The following TNPO1 variants were observed in gnomAD, a reference collection of about 807,000 sequenced individuals.
The protein encoded by TNPO1 is transportin 1.
Under a neutral mutation model 119.5 loss-of-function variants are expected in TNPO1, and 8 were observed. That is an observed-to-expected ratio of 0.07 (90% CI 0.04 to 0.12). The LOEUF (loss-of-function observed/expected upper bound fraction) is 0.12. TNPO1 is among the 10% of genes least tolerant of loss of function. The pLI, the probability that TNPO1 is intolerant of heterozygous loss-of-function variation, is 1.00. For missense variants in TNPO1, 576 were observed against 1,089.8 expected, an observed-to-expected ratio of 0.53 and a Z score of 6.64; for synonymous variants, 362 against 363.0, an observed-to-expected ratio of 1.00 and a Z score of 0.03.
chr5:72,848,504 C>T lies in TNPO1; in HGVS notation c.129+6C>T, dbSNP rs779424487. The T allele has an allele frequency of 4.4e-5, 67 of 1,540,212 alleles. No homozygotes were observed. Among genetic ancestry groups the T allele is most frequent in the Non-Finnish European group, 5.5e-5 (63 of 1,140,582 alleles). ...TCCAGAGAACCGTGCAACAAGTATC[C>T]TTTCCGAGGCCTGGCCGCCACCCGC... is the stretch of plus-strand genomic sequence containing the variant. On this transcript the variant is annotated splice_donor_region_variant and intron_variant, in intron 2 of 24. Coordinates refer to ENST00000337273, the MANE Select transcript of TNPO1 (RefSeq NM_002270.4).
At chr5:72,869,562 G>A (rs34672) in intron 6 of TNPO1, among the ~76,000 whole-genome samples, 124,938 of 152,136 alleles carry the variant, frequency 0.82, 51,564 homozygotes, top group Non-Finnish European at 0.86. Context: ...AATAAATAAA[G>A]ACAGTTTTAC....
chr5:72,874,466 G>C (rs987048923), intron 7 of TNPO1, among the ~76,000 whole-genome samples: 9 of 152,268 alleles, frequency 5.9e-5, no homozygotes, highest in African/African-American at 2.2e-4. Context: ...CCCCAACCCA[G>C]TTGCTGTTCT....
chr5:72,839,619 G>A (rs1408208133), intron 1 of TNPO1, among the ~76,000 whole-genome samples: 1 of 152,168 alleles, frequency 6.6e-6, no homozygotes, highest in African/African-American at 2.4e-5. Flanking sequence ...CTTTTTTAGT[G>A]ATTAGTAATG....
rs774663567 is a variant in TNPO1, at chr5:72,893,269, CTCT to C, written c.1896+28_1896+30del. The C allele has an allele frequency of 6.2e-6, 10 of 1,609,058 alleles. No individual in the cohort carries two copies. In the African/African-American group the frequency reaches 1.1e-4, roughly 17 times the overall value. Reference sequence around the variant, plus strand: ...ATGGTAATTTTTTTAAAATGTCTTCCTCTTCTTGACATGGTGGACATTTTTCTA... The same window carrying C: ...ATGGTAATTTTTTTAAAATGTCTTCCTCTTGACATGGTGGACATTTTTCTA... On this transcript the variant is annotated intron_variant, in intron 16 of 24. Transcript: ENST00000337273.
Position 72,851,282 on chromosome 5 carries a change from C to A in TNPO1, c.168C>A (p.Asn56Lys). 1 of 1,602,690 alleles carries A rather than the reference C, an allele frequency of 6.2e-7. No homozygotes were observed. Among genetic ancestry groups the A allele is most frequent in the Admixed American group, 1.7e-5 (1 of 59,468 alleles). ...EQLNQYPDFN[N>K]YLIFVLTKLK... ...TTAATCAGTATCCAGACTTTAACAA[C>A]TACTTGATTTTTGTTCTTACAAAAT... Residue 56 changes from asparagine to lysine, a missense_variant, in exon 3 of 25, where the codon AAC becomes AAA. By Grantham distance (94) the Asn-to-Lys change is moderately conservative. Transcript: ENST00000337273.
chr5:72,887,253 GT>G, intron 12 of TNPO1, 31 bp downstream of exon 12: 1 of 1,178,218 alleles, frequency 8.5e-7, no homozygotes, highest in Non-Finnish European at 1.2e-6. Context: ...AATTATGTAA[GT>G]TGGCTTCTTA....
intron 12 of TNPO1, 42 bp from the exon 13 acceptor site, chr5:72,888,036 T>A (rs1748783129): frequency 6.4e-7 from 1 of 1,574,276 alleles, no homozygotes. Context: ...AAAATAATGT[T>A]AACTAAATTT....
chr5:72,907,778 C>T (rs1750272540), intron 24 of TNPO1, among the ~76,000 whole-genome samples: 1 of 152,002 alleles, frequency 6.6e-6, no homozygotes, highest in Non-Finnish European at 1.5e-5. Context: ...GTGTGATGGC[C>T]CACATCTATA....
At chr5:72,889,052 A>C (rs941170258) in intron 13 of TNPO1, among the ~76,000 whole-genome samples, 1 of 152,138 alleles carries the variant, frequency 6.6e-6, no homozygotes, top group Non-Finnish European at 1.5e-5. Flanking sequence ...AACAAAAAAA[A>C]GGAAAATTTT....
chr5:72,839,562 A>G (rs1377198182), intron 1 of TNPO1, among the ~76,000 whole-genome samples: 1 of 152,218 alleles, frequency 6.6e-6, no homozygotes, highest in Non-Finnish European at 1.5e-5. Context: ...ACAAATTATT[A>G]TGTAACTTTA....
chr5:72,852,044 T>A (rs1222283068), intron 3 of TNPO1, among the ~76,000 whole-genome samples: 1 of 152,208 alleles, frequency 6.6e-6, no homozygotes, highest in East Asian at 1.9e-4. Flanking sequence ...TTATTGTTGA[T>A]CTCTTCAATT....
chr5:72,851,345 A>G (rs892636557), intron 3 of TNPO1, 26 bp downstream of exon 3: 1 of 1,349,714 alleles, frequency 7.4e-7, no homozygotes, highest in Non-Finnish European at 1.0e-6. Flanking sequence ...ATTGATAACT[A>G]TTTAAAGTTT....
At chr5:72,848,865 G>A (rs1402046933) in intron 2 of TNPO1, among the ~76,000 whole-genome samples, 1 of 151,124 alleles carries the variant, frequency 6.6e-6, no homozygotes, top group Non-Finnish European at 1.5e-5. Context: ...CGGGCGGGCG[G>A]GAGCGGCCCG....
chr5:72,902,665 A>G lies in TNPO1; in HGVS notation c.2515-1044A>G, dbSNP rs79124853. Reference sequence around the variant, plus strand: ...ATTAATGTTTTAAGATGATAAAAGTAGCACATGTATGATCATAAAATTGTT... The same window carrying G: ...ATTAATGTTTTAAGATGATAAAAGTGGCACATGTATGATCATAAAATTGTT... On this transcript the variant is annotated intron_variant, in intron 22 of 24. Coordinates refer to ENST00000337273, the MANE Select transcript of TNPO1 (RefSeq NM_002270.4). Among the ~76,000 whole-genome samples, 42 of 152,342 alleles carry G rather than the reference A, an allele frequency of 2.8e-4. No homozygotes were observed. The East Asian group carries it at 7.1e-3, about 26-fold the overall frequency.
chr5:72,865,163 C>T (rs543562955), intron 5 of TNPO1, among the ~76,000 whole-genome samples: 3 of 152,016 alleles, frequency 2.0e-5, no homozygotes, highest in South Asian at 2.1e-4. Context: ...AATATTAGAG[C>T]GGGCATGGTG....
At chr5:72,837,908 C>T (rs1744753561) in intron 1 of TNPO1, among the ~76,000 whole-genome samples, 1 of 152,152 alleles carries the variant, frequency 6.6e-6, no homozygotes, top group African/African-American at 2.4e-5. Flanking sequence ...GACTCCAGAA[C>T]CCATGCTTCC....
Position 72,877,272 on chromosome 5 carries a change from A to G in TNPO1, c.846A>G (p.Leu282=). The G allele has an allele frequency of 6.2e-7, 1 of 1,613,206 alleles. No homozygotes were observed. Among genetic ancestry groups the G allele is most frequent in the Non-Finnish European group, 8.5e-7 (1 of 1,179,428 alleles). ...AAGATCAAGATGAAAATGTGGCTTTAGAAGCCTGTGAATTTTGGCTAACTT... is the reference window on the plus strand; with the variant it reads ...AAGATCAAGATGAAAATGTGGCTTTGGAAGCCTGTGAATTTTGGCTAACTT... The part of the protein sequence containing the change: ...RTQDQDENVA[L]EACEFWLTLA... The change falls in exon 9 of 25, where the codon TTA becomes TTG. Residue 282 remains leucine, a synonymous_variant. Transcript: ENST00000337273.
intron 7 of TNPO1, among the ~76,000 whole-genome samples, chr5:72,873,981 G>A (rs1747589934): frequency 6.6e-6 from 1 of 151,848 alleles, no homozygotes; most frequent in African/African-American, 2.4e-5. Context: ...TAATAAAGGG[G>A]ACAATGATAG....
intron 20 of TNPO1, among the ~76,000 whole-genome samples, chr5:72,897,461 C>A (rs1009504903): frequency 6.7e-6 from 1 of 150,226 alleles, no homozygotes; most frequent in East Asian, 1.9e-4. Context: ...TAAATTAATT[C>A]GGAGAGTAAC....
Sources: allele counts gnomAD v4.1 joint callset (sites outside exome capture counted in the v4.1 genomes callset), GRCh38; gene constraint gnomAD v4.1.1; transcripts MANE v1.5; gene names NCBI Gene and HGNC (gene_info 2026-07-23, HGNC 2026-07-21).